Variants in CCDC73 observed in about 807,000 individuals in gnomAD.
CCDC73 encodes coiled-coil domain-containing protein 73.
A neutral mutation model predicts 116.5 loss-of-function variants in CCDC73; 95 were observed. The ratio of observed to expected loss-of-function variants is 0.82; its 90% confidence interval spans 0.69 to 0.97. The LOEUF is 0.97. CCDC73 is among the 50% of genes least tolerant of loss of function. The pLI, the probability that CCDC73 is intolerant of heterozygous loss-of-function variation, is 0.00. For synonymous variants in CCDC73, 398 were observed against 401.3 expected, an observed-to-expected ratio of 0.99 and a Z score of 0.10; for missense variants, 1,066 against 1,206.8, an observed-to-expected ratio of 0.88 and a Z score of 1.73.
intron 3 of CCDC73, among the ~76,000 whole-genome samples, chr11:32,705,357 C>CAAGAATGGCCATA (rs1849846515): frequency 1.3e-5 from 2 of 152,164 alleles, no homozygotes; most frequent in African/African-American, 4.8e-5. Context: ...TGGTTCCTAG[C>CAAGAATGGCCATA]ATCTCCAAGC....
intron 9 of CCDC73, among the ~76,000 whole-genome samples, chr11:32,663,135 T>C (rs1339273559): frequency 6.6e-6 from 1 of 152,256 alleles, no homozygotes; most frequent in Non-Finnish European, 1.5e-5. Context: ...GCCTCCAGCT[T>C]TGTTCTTTTG....
intron 9 of CCDC73, among the ~76,000 whole-genome samples, chr11:32,672,699 C>T (rs1856050518): frequency 6.6e-6 from 1 of 152,004 alleles, no homozygotes; most frequent in Non-Finnish European, 1.5e-5. Flanking sequence ...TAAATTATAG[C>T]TTTTTCTCTT....
At chr11:32,796,798 T>C (rs1850731015), upstream of CCDC73, among the ~76,000 whole-genome samples, 1 of 151,724 alleles carries the variant, frequency 6.6e-6, no homozygotes, top group Admixed American at 6.6e-5. Context: ...CCACTTGAGG[T>C]TGGGAATTTG....
At chr11:32,765,675 T>A (rs931241331) in intron 1 of CCDC73, among the ~76,000 whole-genome samples, 1 of 152,160 alleles carries the variant, frequency 6.6e-6, no homozygotes, top group Non-Finnish European at 1.5e-5. Context: ...AGATCTAAAA[T>A]TGACACCCTA....
chr11:32,827,212 C>T, the CCDC73 span, among the ~76,000 whole-genome samples: 1 of 152,142 alleles, frequency 6.6e-6, no homozygotes. Context: ...AAAATTAATA[C>T]AGCAAGGAAA....
chr11:32,618,317 G>A (rs943921748), intron 14 of CCDC73, among the ~76,000 whole-genome samples: 6 of 152,054 alleles, frequency 3.9e-5, no homozygotes, highest in African/African-American at 1.4e-4. Context: ...CTTTGCTATT[G>A]TGAACAGTGC....
At chr11:32,733,095 CA>C (rs993089322) in intron 2 of CCDC73, among the ~76,000 whole-genome samples, 8 of 150,714 alleles carry the variant, frequency 5.3e-5, no homozygotes, top group Admixed American at 3.3e-4. Context: ...AAATGGAAAA[CA>C]AAAAAAAGTA....
At chr11:32,800,287 T>C in the CCDC73 span, among the ~76,000 whole-genome samples, 1 of 152,002 alleles carries the variant, frequency 6.6e-6, no homozygotes, top group African/African-American at 2.4e-5. Flanking sequence ...TATTTATTTA[T>C]TTATTTTATT....
At chr11:32,603,387 TTTTTCA>T (rs1360496714) in intron 17 of CCDC73, 1 of 164,032 alleles carries the variant, frequency 6.1e-6, no homozygotes, top group Non-Finnish European at 1.3e-5. Context: ...GTTAAATAAC[TTTTTCA>T]TTTTAAGGTT....
chr11:32,626,234 A>C (rs1323078840), intron 14 of CCDC73, among the ~76,000 whole-genome samples: 5 of 152,178 alleles, frequency 3.3e-5, no homozygotes, highest in Admixed American at 1.3e-4. Context: ...CAATTGCTTC[A>C]AAGAGAATAA....
intron 2 of CCDC73, among the ~76,000 whole-genome samples, chr11:32,739,000 T>G (rs1204520981): frequency 6.6e-6 from 1 of 152,198 alleles, no homozygotes; most frequent in Admixed American, 6.5e-5. Flanking sequence ...ATGAGTTCAC[T>G]ATAGGTGTGT....
At chr11:32,728,258 T>A (rs1189955967) in intron 2 of CCDC73, among the ~76,000 whole-genome samples, 1 of 152,032 alleles carries the variant, frequency 6.6e-6, no homozygotes, top group African/African-American at 2.4e-5. Context: ...CTCAAAAAAA[T>A]AATACTAAAT....
At chr11:32,830,487 A>AT in the CCDC73 span, 1,441 of 1,404,376 alleles carry the variant, frequency 1.0e-3, 2 homozygotes, top group African/African-American at 9.9e-3. Flanking sequence ...TTTTTTTAAT[A>AT]TTTTTTTTTG....
At chr11:32,730,831 C>T (rs1275700237) in intron 2 of CCDC73, among the ~76,000 whole-genome samples, 1 of 152,226 alleles carries the variant, frequency 6.6e-6, no homozygotes, top group East Asian at 1.9e-4. Context: ...CTCCAGTCTA[C>T]AGCTCCTAGC....
At chr11:32,749,762 C>T (rs929273974) in intron 2 of CCDC73, among the ~76,000 whole-genome samples, 2 of 151,986 alleles carry the variant, frequency 1.3e-5, no homozygotes, top group East Asian at 1.9e-4. Flanking sequence ...AGCCCAATAA[C>T]GATGTAGTTC....
In CCDC73 at chr11:32,768,717, C is replaced by A. The variant is rs547694654; in HGVS notation, c.-15-8459G>T. 7.2e-5 allele frequency among the ~76,000 whole-genome samples: 11 copies of A among 152,232 alleles called. No individual in the cohort carries two copies. The South Asian group carries it at 2.3e-3, about 32-fold the overall frequency. ...ACACTTAGCCAGGTGTGGTTGTGCA[C>A]CCCTGTAGTCCCAGCTACTGGGGAG... On this transcript the variant is annotated intron_variant, in intron 1 of 17. Transcript: ENST00000335185.
chr11:32,648,216 G>C (rs1855795416), intron 12 of CCDC73, among the ~76,000 whole-genome samples: 1 of 152,170 alleles, frequency 6.6e-6, no homozygotes, highest in African/African-American at 2.4e-5. Context: ...CTGCACCTTT[G>C]ATTTCGTTTC....
At chr11:32,820,201 G>A in the CCDC73 span, among the ~76,000 whole-genome samples, 2 of 152,058 alleles carry the variant, frequency 1.3e-5, no homozygotes, top group African/African-American at 4.8e-5. Context: ...CACTCAGACT[G>A]GAGTGTAGTG....
At chr11:32,743,567 T>C (rs1045220923) in intron 2 of CCDC73, among the ~76,000 whole-genome samples, 2 of 152,190 alleles carry the variant, frequency 1.3e-5, no homozygotes, top group African/African-American at 4.8e-5. Context: ...TTTGTTTGTG[T>C]CCTCTCTTAT....
Sources: allele counts gnomAD v4.1 joint callset (sites outside exome capture counted in the v4.1 genomes callset), GRCh38; gene constraint gnomAD v4.1.1; transcripts MANE v1.5; gene names NCBI Gene and HGNC (gene_info 2026-07-23, HGNC 2026-07-21).